Variants in ITGA11 observed in about 807,000 individuals in gnomAD.
ITGA11 encodes integrin alpha-11.
A neutral mutation model predicts 141.9 loss-of-function variants in ITGA11; 97 were observed. That is an observed-to-expected ratio of 0.68 (90% confidence interval 0.58 to 0.81). ITGA11 has a LOEUF of 0.81. Among genes scored for constraint, ITGA11 ranks in the 30% least tolerant of loss-of-function variants. The probability of loss-of-function intolerance (pLI) is 0.00; values close to 1 mark genes in which losing one functional copy is unlikely to be tolerated. For synonymous variants in ITGA11, 658 were observed against 624.6 expected, an observed-to-expected ratio of 1.05 and a Z score of -0.80; for missense variants, 1,387 against 1,559.2, an observed-to-expected ratio of 0.89 and a Z score of 1.86.
In ITGA11 at chr15:68,361,609, G is replaced by A. The variant is rs376004479; in HGVS notation, c.453C>T (p.Thr151=). Residue 151 remains threonine (T), a synonymous_variant, in exon 5 of 30, where the codon ACC becomes ACT. Transcript: ENST00000315757. ...RVNSNFRFSK[T]VAPALQRCQT... Reference sequence around the variant, plus strand: ...ACTTACTTTGGAGAGCTGGGGCCACGGTCTTGGAGAACCTGAAGTTGGAGT... The same window carrying A: ...ACTTACTTTGGAGAGCTGGGGCCACAGTCTTGGAGAACCTGAAGTTGGAGT... The A allele has an allele frequency of 7.5e-6, 12 of 1,606,774 alleles. No homozygotes were observed. The highest frequency in any genetic ancestry group is 5.3e-5 in the African/African-American group (4 of 74,832).
intron 20 of ITGA11, among the ~76,000 whole-genome samples, chr15:68,318,607 G>A (rs1290123581): frequency 6.6e-6 from 1 of 152,164 alleles, no homozygotes; most frequent in African/African-American, 2.4e-5. Context: ...GAGGATGGGG[G>A]AGCCCACTGA....
At position 68,301,317 on chromosome 15, in the gene ITGA11, C is replaced by T. The variant is rs891619380; in HGVS notation, c.*1742G>A. The T allele has an allele frequency of 1.3e-5, 2 of 152,226 alleles. No individual in the cohort carries two copies. The highest frequency in any genetic ancestry group is 6.5e-5 in the Admixed American group (1 of 15,280). 9.4% of individuals were successfully genotyped at this position (152,226 alleles called of 1,614,324 possible). ...ATCCAAGACATGAATGGCACAAGAA[C>T]AGAATGGAGACGCCTTGGCTGATGT... On this transcript the variant is annotated 3_prime_UTR_variant, in exon 30 of 30. Transcript: ENST00000315757. This position sits in a 1 kb window ranked among gnomAD's most constrained non-coding sequence, Gnocchi z 4.4.
At chr15:68,369,128 G>A (rs765112511) in intron 3 of ITGA11, 56 bp downstream of exon 3, 1 of 1,282,984 alleles carries the variant, frequency 7.8e-7, no homozygotes, top group East Asian at 2.3e-5. Flanking sequence ...ATCAGAGCCT[G>A]CCTTGTGTTA....
intron 26 of ITGA11, among the ~76,000 whole-genome samples, chr15:68,309,590 C>CTTTTT (rs913221357): frequency 1.5e-4 from 16 of 108,744 alleles, no homozygotes; most frequent in African/African-American, 2.5e-4. Flanking sequence ...CAATACAGTC[C>CTTTTT]TTTTTTTTTT....
At chr15:68,376,609 A>T (rs1029931851) in intron 2 of ITGA11, among the ~76,000 whole-genome samples, 1 of 152,242 alleles carries the variant, frequency 6.6e-6, no homozygotes, top group Non-Finnish European at 1.5e-5. Context: ...AGTAGGCTGC[A>T]GCTTGGGACC....
At chr15:68,371,071 C>T (rs1421523438) in intron 2 of ITGA11, among the ~76,000 whole-genome samples, 1 of 152,144 alleles carries the variant, frequency 6.6e-6, no homozygotes, top group South Asian at 2.1e-4. Flanking sequence ...ATATATATCC[C>T]CTTATTAAGC....
Position 68,333,785 on chromosome 15 carries a change from G to A in ITGA11, c.1426-1307C>T, listed in dbSNP as rs1403338559. Among the ~76,000 whole-genome samples, 1 of 152,100 alleles carries A rather than the reference G, an allele frequency of 6.6e-6. No homozygotes were observed. Among genetic ancestry groups the A allele is most frequent in the Non-Finnish European group, 1.5e-5 (1 of 68,014 alleles). On this transcript the variant is annotated intron_variant, in intron 12 of 29. Transcript: ENST00000315757. The surrounding 1 kb of genome is among the most constrained non-coding windows in gnomAD (Gnocchi z 4.2). ...GGATAGTATCTAAACTCTCTAGCAG[G>A]ACCGTGCTGGACCAGCCTCCCTCCC...
rs536023146 is a variant in ITGA11 at position 68,328,946 on chromosome 15, A to G, written c.1902-684T>C. Among the ~76,000 whole-genome samples the G allele has an allele frequency of 9.2e-5, 14 of 152,298 alleles. No individual in the cohort carries two copies. Among genetic ancestry groups the G allele is most frequent in the African/African-American group, 3.1e-4 (13 of 41,546 alleles). On this transcript the variant is annotated intron_variant, in intron 15 of 29. Coordinates refer to ENST00000315757, the MANE Select transcript of ITGA11 (RefSeq NM_001004439.2). This position sits in a 1 kb window ranked among gnomAD's most constrained non-coding sequence, Gnocchi z 4.8. ...CAAGGAAATACAAATTTACCCTTAT[A>G]CCGGCCTAAGTCAAATGTAATTAGG...
Position 68,299,021 on chromosome 15 carries a change from CAG to C in ITGA11, c.*4036_*4037del, listed in dbSNP as rs1396552423. 6.6e-6 allele frequency: 1 copy of C among 152,200 alleles called. No homozygotes were observed. Among genetic ancestry groups the C allele is most frequent in the Non-Finnish European group, 1.5e-5 (1 of 68,056 alleles). The allele number at this position is 152,200 out of a possible 1,614,324, so 9.4% of individuals were successfully genotyped here. A position where few individuals can be genotyped will look rare whatever the true frequency, so the allele number is the denominator to read the frequency against. On this transcript the variant is annotated 3_prime_UTR_variant, in exon 30 of 30. Transcript: ENST00000315757. ...TGCCGCTGCACTCTAGCCTGGGCAA[CAG>C]AGTGAGACACTGTCTCAAAACAAAC...
chr15:68,319,171 G>C (rs1027127309), intron 20 of ITGA11, among the ~76,000 whole-genome samples: 1 of 152,258 alleles, frequency 6.6e-6, no homozygotes, highest in Admixed American at 6.5e-5. Flanking sequence ...GCAGGCTCAG[G>C]CGCCAGCTGT....
In ITGA11 at chr15:68,307,548, C is replaced by G; in HGVS notation, c.3285+38G>C. ...GACATCCCAACAGCCGCCCCCTTTC[C>G]CTTCTTCCTTCCAGCCCAGCCCAGG... On this transcript the variant is annotated intron_variant, in intron 27 of 29. Transcript: ENST00000315757. This position sits in a 1 kb window ranked among gnomAD's most constrained non-coding sequence, Gnocchi z 6.1. 1 of 1,550,294 alleles carries G rather than the reference C, an allele frequency of 6.5e-7. No individual in the cohort carries two copies.
At chr15:68,425,320 A>C (rs1897118465) in intron 1 of ITGA11, among the ~76,000 whole-genome samples, 1 of 152,286 alleles carries the variant, frequency 6.6e-6, no homozygotes, top group South Asian at 2.1e-4. Flanking sequence ...ATTCTTAGTA[A>C]TTTTAAAACA....
chr15:68,351,214 C>T (rs1483086992), intron 8 of ITGA11, 44 bp downstream of exon 8: 2 of 1,606,640 alleles, frequency 1.2e-6, no homozygotes, highest in African/African-American at 1.3e-5. Context: ...GATGGTAAAG[C>T]CTCTCAGAGG....
At chr15:68,383,623 CT>C (rs2140380080) in intron 2 of ITGA11, among the ~76,000 whole-genome samples, 1 of 152,282 alleles carries the variant, frequency 6.6e-6, no homozygotes, top group Admixed American at 6.5e-5. Context: ...CTTGCACCCC[CT>C]AGTGTCAGTT....
chr15:68,316,139 C>T (rs771895913), intron 21 of ITGA11, among the ~76,000 whole-genome samples: 42 of 152,342 alleles, frequency 2.8e-4, no homozygotes, highest in Middle Eastern at 3.4e-3. Context: ...GGGCCAGAAA[C>T]GTTTGGTAGG....
intron 16 of ITGA11, among the ~76,000 whole-genome samples, chr15:68,327,404 A>C (rs142387130): frequency 1.3e-5 from 2 of 152,290 alleles, no homozygotes; most frequent in African/African-American, 4.8e-5. Context: ...GTCTCCTCTC[A>C]GGGACAGAAG....
chr15:68,412,679 T>C (rs962228415), intron 1 of ITGA11, among the ~76,000 whole-genome samples: 2 of 142,178 alleles, frequency 1.4e-5, no homozygotes, highest in Non-Finnish European at 3.1e-5. Context: ...TTTTTTTTTT[T>C]TTTTTTTTTT....
At chr15:68,396,251 C>T (rs1373995402) in intron 2 of ITGA11, among the ~76,000 whole-genome samples, 1 of 36,912 alleles carries the variant, frequency 2.7e-5, no homozygotes, top group Non-Finnish European at 5.1e-5. Context: ...AATATCAATC[C>T]AATCAATCAA....
intron 4 of ITGA11, 47 bp downstream of exon 4, chr15:68,364,660 C>A: frequency 7.7e-7 from 1 of 1,303,448 alleles, no homozygotes; most frequent in Non-Finnish European, 1.1e-6. Flanking sequence ...CCTCCCCACC[C>A]CCACCCCTGC....
Sources: gnomAD v4.1 joint callset for allele counts (sites outside exome capture counted in the v4.1 genomes callset) on GRCh38, gnomAD v4.1.1 for gene constraint, Gnocchi (gnomAD v3.1) non-coding constraint, MANE v1.5 for transcripts, NCBI Gene and HGNC (gene_info 2026-07-23, HGNC 2026-07-21) for gene names.